Variants in CYLC1 observed in about 807,000 individuals in gnomAD.
The protein encoded by CYLC1 is cylicin-1.
CYLC1 carries 2 observed loss-of-function variants against 31.6 expected under a neutral mutation model. The observed-to-expected ratio is 0.06, with a 90% confidence interval of 0.03 to 0.20. CYLC1 has a LOEUF of 0.20. CYLC1 is among the 10% of genes least tolerant of loss of function. CYLC1 has a pLI of 1.00. For synonymous variants in CYLC1, 185 were observed against 153.0 expected, an observed-to-expected ratio of 1.21 and a Z score of -1.54; for missense variants, 595 against 424.1, an observed-to-expected ratio of 1.40 and a Z score of -3.54.
chrX:83,886,248 C>A (rs1321388507), intron 4 of CYLC1, among the ~76,000 whole-genome samples: 2 of 111,059 alleles, frequency 1.8e-5, no homozygotes, highest in African/African-American at 6.5e-5. Flanking sequence ...GGCTCCTGTA[C>A]AAACACTGAT....
chrX:83,878,340 T>A (rs1267904756), intron 4 of CYLC1, among the ~76,000 whole-genome samples: 1 of 19,522 alleles, frequency 5.1e-5, no homozygotes, highest in African/African-American at 2.4e-4. Context: ...AATATATATA[T>A]AAATATATAA....
chrX:83,863,130 T>C (rs1285206759), intron 1 of CYLC1, among the ~76,000 whole-genome samples: 2 of 111,965 alleles, frequency 1.8e-5, no homozygotes, highest in Admixed American at 9.5e-5. Context: ...TCTTAATTCC[T>C]AGTAATTTTA....
At chrX:83,874,696 T>C (rs1011672994) in intron 4 of CYLC1, 65 bp downstream of exon 4, 5 of 1,029,592 alleles carry the variant, frequency 4.9e-6, no homozygotes, top group Non-Finnish European at 6.4e-6. Flanking sequence ...TTTTAAAGTT[T>C]GAATTTATGT....
At chrX:83,876,067 T>C (rs1407311575) in intron 4 of CYLC1, among the ~76,000 whole-genome samples, 1 of 111,288 alleles carries the variant, frequency 9.0e-6, no homozygotes, top group Non-Finnish European at 1.9e-5. Flanking sequence ...TTTTATCTTA[T>C]ATTCCAAATA....
intron 3 of CYLC1, 115 bp downstream of exon 3, chrX:83,871,685 A>G (rs1417094152): frequency 2.8e-6 from 2 of 709,356 alleles, no homozygotes; most frequent in East Asian, 7.2e-5. Flanking sequence ...ATATTTTTAA[A>G]TTTGTAATTC....
rs768282685 is a variant in CYLC1, at chrX:83,886,684, C to G, written c.*100C>G. ...TACCTCTGTGGAACTGAAATAAAAA[C>G]AAGTCTTCCATGAGTATCAAGAGTT... On this transcript the variant is annotated 3_prime_UTR_variant, in exon 5 of 5. Coordinates refer to ENST00000329312, the MANE Select transcript of CYLC1 (RefSeq NM_021118.3). 122 of 722,646 alleles carry G rather than the reference C, an allele frequency of 1.7e-4. No individual in the cohort carries two copies. Among genetic ancestry groups the G allele is most frequent in the Non-Finnish European group, 2.4e-4 (114 of 473,867 alleles). The allele number at this position is 722,646 out of a possible 1,213,427, so 59.6% of individuals were successfully genotyped here.
At chrX:83,882,590 T>C (rs2031927102) in intron 4 of CYLC1, among the ~76,000 whole-genome samples, 1 of 110,995 alleles carries the variant, frequency 9.0e-6, no homozygotes, top group Admixed American at 9.7e-5. Flanking sequence ...TGCTACTACT[T>C]TTCTTTTTCC....
At chrX:83,874,732 A>G (rs1378244259) in intron 4 of CYLC1, 101 bp downstream of exon 4, 21 of 906,390 alleles carry the variant, frequency 2.3e-5, no homozygotes, top group Admixed American at 1.7e-4. Flanking sequence ...GTTATCTTTT[A>G]CTAGAATATT....
chrX:83,866,727 A>G (rs2031598060), intron 1 of CYLC1, among the ~76,000 whole-genome samples: 1 of 106,490 alleles, frequency 9.4e-6, no homozygotes, highest in African/African-American at 3.4e-5. Context: ...TCCATAAGTC[A>G]CATGCTTTAT....
intron 4 of CYLC1, among the ~76,000 whole-genome samples, chrX:83,878,760 G>A (rs760984761): frequency 9.5e-6 from 1 of 105,507 alleles, no homozygotes; most frequent in Non-Finnish European, 1.9e-5. Context: ...CTAATTGGAT[G>A]TCTGGAAGAG....
chrX:83,865,281 C>T (rs1033104072), intron 1 of CYLC1, among the ~76,000 whole-genome samples: 2 of 111,300 alleles, frequency 1.8e-5, no homozygotes, highest in Admixed American at 9.6e-5. Flanking sequence ...CACACACACA[C>T]GCACCAACAT....
intron 2 of CYLC1, among the ~76,000 whole-genome samples, chrX:83,870,594 A>T (rs2031649697): frequency 1.8e-5 from 2 of 112,038 alleles, no homozygotes; most frequent in Admixed American, 1.9e-4. Context: ...TGTTGTAAAG[A>T]TTAAACAAGT....
intron 1 of CYLC1, among the ~76,000 whole-genome samples, chrX:83,868,290 A>T (rs2031617948): frequency 9.0e-6 from 1 of 111,337 alleles, no homozygotes; most frequent in Non-Finnish European, 1.9e-5. Context: ...TCTCTAAAGA[A>T]TCTTTGTCAT....
In CYLC1 at chrX:83,874,605, C is replaced by A. The variant is rs2031733425; in HGVS notation, c.1897C>A (p.Pro633Thr). The change falls in exon 4 of 5, where the codon CCT (proline) becomes ACT (threonine). Residue 633 changes from proline to threonine, a missense_variant. By Grantham distance (38) the Pro-to-Thr change is conservative. Coordinates refer to ENST00000329312, the MANE Select transcript of CYLC1 (RefSeq NM_021118.3). ...RLCWCKMPPP[P>T]PKPRYAPLPE... The stretch of plus-strand genomic sequence containing the variant: ...TTGTTGGTGCAAGATGCCTCCTCCA[C>A]CTCCAAAACCAAGATATGCTCCTTT... 1 of 1,197,583 alleles carries A rather than the reference C, an allele frequency of 8.4e-7. No homozygotes were observed. The highest frequency in any genetic ancestry group is 1.8e-5 in the African/African-American group (1 of 56,362).
At chrX:83,885,106 T>C (rs2031963891) in intron 4 of CYLC1, among the ~76,000 whole-genome samples, 1 of 111,445 alleles carries the variant, frequency 9.0e-6, no homozygotes, top group Admixed American at 9.6e-5. Context: ...TTTTAAATGT[T>C]TGAATTTGGG....
chrX:83,861,327 G>A, intron 1 of CYLC1, 128 bp downstream of exon 1: 1 of 496,615 alleles, frequency 2.0e-6, no homozygotes, highest in Non-Finnish European at 3.2e-6. Flanking sequence ...ATTAGAACTT[G>A]TATTTTAAAC....
chrX:83,865,843 T>C (rs1332954486), intron 1 of CYLC1, among the ~76,000 whole-genome samples: 4 of 111,757 alleles, frequency 3.6e-5, no homozygotes, highest in Non-Finnish European at 7.5e-5. Context: ...CACCTGCAAA[T>C]TGTCATTTGC....
chrX:83,866,226 ACAAT>A (rs1323808380), intron 1 of CYLC1, among the ~76,000 whole-genome samples: 20 of 111,933 alleles, frequency 1.8e-4, no homozygotes, highest in African/African-American at 6.5e-4. Flanking sequence ...GGATAGAATA[ACAAT>A]CATAGACATT....
At position 83,874,498 on chromosome X, in the gene CYLC1, C is replaced by G. The variant is rs1362970035; in HGVS notation, c.1790C>G (p.Thr597Arg). The G allele has an allele frequency of 8.3e-7, 1 of 1,209,809 alleles. No homozygotes were observed. The highest frequency in any genetic ancestry group is 1.8e-5 in the South Asian group (1 of 56,897). ...AATGAAAAAGGGGAAAAAGCAAGTA[C>G]AGGTAGAGTTCCTCCATCAAGAGAA... The part of the protein sequence containing the change: ...TFNEKGEKAS[T>R]GRVPPSREKP... The change falls in exon 4 of 5, where the codon ACA becomes AGA. Residue 597 changes from threonine (T) to arginine (R), a missense_variant. Physicochemically the swap from Thr to Arg is moderately conservative, Grantham distance 71. Coordinates refer to ENST00000329312, the MANE Select transcript of CYLC1 (RefSeq NM_021118.3).
Sources: gnomAD v4.1 joint callset for allele counts (sites outside exome capture counted in the v4.1 genomes callset) on GRCh38, gnomAD v4.1.1 for gene constraint, MANE v1.5 for transcripts, NCBI Gene and HGNC (gene_info 2026-07-23, HGNC 2026-07-21) for gene names.